The following RAB5C variants were observed in gnomAD, a reference collection of about 807,000 sequenced individuals.
The protein encoded by RAB5C is RAB5C, member RAS oncogene family.
A neutral mutation model predicts 25.2 loss-of-function variants in RAB5C; 4 were observed. The ratio of observed to expected loss-of-function variants is 0.16; its 90% CI spans 0.08 to 0.36. RAB5C has a LOEUF of 0.36. Ranked by LOEUF, RAB5C falls within the 10% of genes least tolerant of loss-of-function variation. The pLI, the probability that RAB5C is intolerant of heterozygous loss-of-function variation, is 1.00. For missense variants in RAB5C, 199 were observed against 283.8 expected, an observed-to-expected ratio of 0.70 and a Z score of 2.15; for synonymous variants, 100 against 106.4, an observed-to-expected ratio of 0.94 and a Z score of 0.37.
chr17:42,141,542 G>A (rs1457398093), intron 1 of RAB5C, among the ~76,000 whole-genome samples: 1 of 152,140 alleles, frequency 6.6e-6, no homozygotes, highest in Non-Finnish European at 1.5e-5. Context: ...TCTGCCAGAC[G>A]GCTCGGGTCC....
At chr17:42,148,768 C>G (rs1481162022) in intron 1 of RAB5C, among the ~76,000 whole-genome samples, 1 of 152,164 alleles carries the variant, frequency 6.6e-6, no homozygotes, top group African/African-American at 2.4e-5. Context: ...TGCAGAAGAG[C>G]CTTCTAGGCA....
intron 1 of RAB5C, chr17:42,131,676 C>T: frequency 6.8e-7 from 1 of 1,463,252 alleles, no homozygotes; most frequent in Non-Finnish European, 9.2e-7. Flanking sequence ...TGTGGGAGGG[C>T]AGAGACCAAG....
intron 1 of RAB5C, chr17:42,136,248 T>C (rs775826653): frequency 5.3e-5 from 8 of 152,206 alleles, no homozygotes; most frequent in Non-Finnish European, 7.3e-5. Context: ...CTCCGATTAG[T>C]TGGGGAGATG....
intron 1 of RAB5C, among the ~76,000 whole-genome samples, chr17:42,142,510 G>A (rs116227015): frequency 0.015 from 2,347 of 152,306 alleles, 57 homozygotes; most frequent in African/African-American, 0.054. Context: ...GGAAACTGGC[G>A]TCATTCATCA....
intron 1 of RAB5C, chr17:42,136,122 T>G (rs1407945694): frequency 6.6e-6 from 1 of 152,026 alleles, no homozygotes; most frequent in Non-Finnish European, 1.5e-5. Flanking sequence ...AGAAAGGAGT[T>G]GTTAAAGAAA....
intron 1 of RAB5C, among the ~76,000 whole-genome samples, chr17:42,145,649 G>A (rs2079631150): frequency 6.6e-6 from 1 of 152,144 alleles, no homozygotes; most frequent in Non-Finnish European, 1.5e-5. Flanking sequence ...GCCAGGCGTG[G>A]TGGTGCATTT....
At chr17:42,150,672 C>A (rs1056098074) in intron 1 of RAB5C, among the ~76,000 whole-genome samples, 65 of 151,068 alleles carry the variant, frequency 4.3e-4, no homozygotes, top group South Asian at 2.1e-4. Flanking sequence ...TTGAGACCAG[C>A]CTGGCCAACA....
At position 42,132,982 on chromosome 17, in the gene RAB5C, C is replaced by G. The variant is rs187995529; in HGVS notation, c.-88-2392G>C. Among the ~76,000 whole-genome samples the G allele has an allele frequency of 2.1e-3, 317 of 152,250 alleles. 3 individuals carry two copies. The highest frequency in any genetic ancestry group is 1.8e-3 in the Non-Finnish European group (123 of 68,014). On this transcript the variant is annotated intron_variant, in intron 1 of 5. Transcript: ENST00000346213. The stretch of plus-strand genomic sequence containing the variant: ...AAGAACAATGGAGGCAGTGCCTGCC[C>G]TATGTTTGGTTTAGGGCTGCTAGGT...
intron 1 of RAB5C, among the ~76,000 whole-genome samples, chr17:42,132,554 T>C (rs1330518093): frequency 6.6e-6 from 1 of 152,128 alleles, no homozygotes; most frequent in East Asian, 1.9e-4. Context: ...TTTTTTTTTT[T>C]AAAGAAACAA....
At chr17:42,142,334 C>T (rs938667423) in intron 1 of RAB5C, among the ~76,000 whole-genome samples, 1 of 152,060 alleles carries the variant, frequency 6.6e-6, no homozygotes. Context: ...CGCGCCCAGC[C>T]CACAAAGCAT....
intron 4 of RAB5C, among the ~76,000 whole-genome samples, chr17:42,127,722 T>C (rs2054441094): frequency 6.6e-6 from 1 of 151,168 alleles, no homozygotes; most frequent in Admixed American, 6.6e-5. Context: ...AGACATGGGG[T>C]TTCGCCACAT....
At chr17:42,128,125 A>G in intron 4 of RAB5C, 136 bp downstream of exon 4, 2 of 1,290,394 alleles carry the variant, frequency 1.5e-6, no homozygotes, top group Admixed American at 2.4e-5. Flanking sequence ...CCCATGCCTG[A>G]GGCACGAGAG....
intron 1 of RAB5C, among the ~76,000 whole-genome samples, chr17:42,142,764 T>C (rs1357231481): frequency 1.3e-5 from 2 of 152,064 alleles, no homozygotes; most frequent in African/African-American, 4.8e-5. Context: ...AATGGAAGGA[T>C]TTCAGCTATT....
At chr17:42,128,438 C>A (rs2144061954) in intron 3 of RAB5C, 55 bp from the exon 4 acceptor site, 2 of 1,567,816 alleles carry the variant, frequency 1.3e-6, no homozygotes, top group Non-Finnish European at 1.7e-6. Flanking sequence ...CTGCCCAGGG[C>A]CACCCATTAG....
intron 1 of RAB5C, 35 bp from the exon 2 acceptor site, chr17:42,130,625 C>G (rs2054475694): frequency 1.3e-6 from 2 of 1,498,216 alleles, no homozygotes; most frequent in Admixed American, 2.1e-5. Context: ...TGAGTTAGTT[C>G]AGAGGCCGTC....
rs200645035 is a variant in RAB5C, at chr17:42,128,213, G to C, written c.441+48C>G. On this transcript the variant is annotated intron_variant, in intron 4 of 5. Transcript: ENST00000346213. ...CCCTGAGCATCCCAGGCGAGGCCGGGGGGAGCTGCTTACTCCACTCCTTCC... is the reference window on the plus strand; with the variant it reads ...CCCTGAGCATCCCAGGCGAGGCCGGCGGGAGCTGCTTACTCCACTCCTTCC... 305 of 1,585,168 alleles carry C rather than the reference G, an allele frequency of 1.9e-4. No individual in the cohort carries two copies. In the East Asian group the frequency reaches 4.3e-3, roughly 23 times the overall value.
Position 42,128,768 on chromosome 17 carries a change from C to T in RAB5C, c.199G>A (p.Asp67Asn), listed in dbSNP as rs61758749. 1.2e-5 allele frequency: 19 copies of T among 1,572,484 alleles called. No homozygotes were observed. Among genetic ancestry groups the T allele is most frequent in the Non-Finnish European group, 1.6e-5 (19 of 1,161,000 alleles). ...AFLTQTVCLD[D>N]TTVKFEIWDT... ...CAGATCTCAAACTTGACTGTTGTGTCATCCAGGCAGACAGTCTGTGTGAGG... is the reference window on the plus strand; with the variant it reads ...CAGATCTCAAACTTGACTGTTGTGTTATCCAGGCAGACAGTCTGTGTGAGG... Residue 67 changes from aspartate (D) to asparagine (N), a missense_variant, in exon 3 of 6, where the codon GAC becomes AAC. Physicochemically the swap from Asp to Asn is conservative, Grantham distance 23 (BLOSUM62 1). Coordinates refer to ENST00000346213, the MANE Select transcript of RAB5C (RefSeq NM_004583.4).
intron 1 of RAB5C, chr17:42,131,773 T>C (rs983678928): frequency 6.3e-6 from 4 of 635,154 alleles, no homozygotes; most frequent in African/African-American, 1.8e-5. Context: ...TTTTTGTTTT[T>C]GTTAAGTTTT....
chr17:42,128,928 C>T (rs908928378), intron 2 of RAB5C, 128 bp from the exon 3 acceptor site: 23 of 903,834 alleles, frequency 2.5e-5, no homozygotes, highest in Admixed American at 7.9e-5. Context: ...ACCCTCAAGC[C>T]AGGAGCCAAA....
Sources: allele counts gnomAD v4.1 joint callset (sites outside exome capture counted in the v4.1 genomes callset), GRCh38; gene constraint gnomAD v4.1.1; transcripts MANE v1.5; gene names NCBI Gene and HGNC (gene_info 2026-07-23, HGNC 2026-07-21).